Variants in SCAPER observed in about 807,000 individuals in gnomAD.
The protein encoded by SCAPER is S-phase cyclin A associated protein in the ER.
SCAPER carries 98 observed loss-of-function variants against 182.2 expected under a neutral mutation model. The observed-to-expected ratio is 0.54, with a 90% confidence interval of 0.46 to 0.64. The LOEUF (loss-of-function observed/expected upper bound fraction) is 0.64. SCAPER is among the 30% of genes least tolerant of loss of function. SCAPER has a pLI of 0.00. For synonymous variants in SCAPER, 605 were observed against 564.6 expected, an observed-to-expected ratio of 1.07 and a Z score of -1.01; for missense variants, 1,432 against 1,690.0, an observed-to-expected ratio of 0.85 and a Z score of 2.68.
chr15:76,857,355 C>T (rs2071478932), intron 4 of SCAPER, among the ~76,000 whole-genome samples: 1 of 151,496 alleles, frequency 6.6e-6, no homozygotes, highest in Non-Finnish European at 1.5e-5. Flanking sequence ...ACTACTTGAA[C>T]CCAAGAGGAA....
intron 4 of SCAPER, 128 bp from the exon 5 acceptor site, chr15:76,842,059 T>G: frequency 1.3e-6 from 1 of 745,160 alleles, no homozygotes; most frequent in South Asian, 1.9e-5. Context: ...GTACTGAACA[T>G]GTATGGACTT....
chr15:76,784,356 C>A (rs2064411596), intron 8 of SCAPER, among the ~76,000 whole-genome samples: 1 of 152,088 alleles, frequency 6.6e-6, no homozygotes. Context: ...TCAAGGAGAA[C>A]CACAAACCAC....
chr15:76,728,254 G>A (rs1475719742), intron 17 of SCAPER, among the ~76,000 whole-genome samples: 1 of 148,088 alleles, frequency 6.8e-6, no homozygotes, highest in Non-Finnish European at 1.5e-5. Flanking sequence ...TGTGACTCTT[G>A]TGATCTAGAC....
intron 1 of SCAPER, among the ~76,000 whole-genome samples, chr15:76,899,694 C>T (rs1477827872): frequency 6.6e-6 from 1 of 151,844 alleles, no homozygotes; most frequent in Non-Finnish European, 1.5e-5. Flanking sequence ...TCTGCCCGGC[C>T]GCCACCCCGT....
intron 20 of SCAPER, among the ~76,000 whole-genome samples, chr15:76,671,911 C>T (rs1281910669): frequency 6.6e-6 from 1 of 152,048 alleles, no homozygotes; most frequent in African/African-American, 2.4e-5. Flanking sequence ...CAGTTACTCA[C>T]TGGAGAGTTA....
At chr15:76,507,078 C>T (rs1460146461) in intron 23 of SCAPER, among the ~76,000 whole-genome samples, 1 of 152,100 alleles carries the variant, frequency 6.6e-6, no homozygotes, top group Non-Finnish European at 1.5e-5. Context: ...CCTCAAAATT[C>T]ATATGTGGAG....
chr15:76,818,046 A>G (rs952616377), intron 5 of SCAPER, among the ~76,000 whole-genome samples: 14 of 152,346 alleles, frequency 9.2e-5, no homozygotes, highest in African/African-American at 3.4e-4. Flanking sequence ...CAATGTCAAG[A>G]AATACTAAAA....
At chr15:76,650,222 A>T (rs1483079633) in intron 21 of SCAPER, among the ~76,000 whole-genome samples, 1 of 152,104 alleles carries the variant, frequency 6.6e-6, no homozygotes, top group Non-Finnish European at 1.5e-5. Context: ...GAAGAGACAA[A>T]TGTCCAGACT....
chr15:76,625,654 G>A (rs2052503218), intron 21 of SCAPER, among the ~76,000 whole-genome samples: 1 of 152,140 alleles, frequency 6.6e-6, no homozygotes, highest in African/African-American at 2.4e-5. Context: ...TCAGGGCTCA[G>A]GAGTATGTGA....
chr15:76,752,178 G>A (rs189532482), intron 15 of SCAPER, among the ~76,000 whole-genome samples: 3 of 151,686 alleles, frequency 2.0e-5, no homozygotes, highest in African/African-American at 7.2e-5. Context: ...AAACTACAAC[G>A]AGATACCAAA....
chr15:76,364,887 T>A (rs1248468827), intron 29 of SCAPER, among the ~76,000 whole-genome samples: 6 of 152,082 alleles, frequency 3.9e-5, no homozygotes. Context: ...GCCTCTTTAG[T>A]CTTAGCTCTT....
chr15:76,798,520 T>C (rs2065506189), intron 7 of SCAPER, among the ~76,000 whole-genome samples: 1 of 151,588 alleles, frequency 6.6e-6, no homozygotes, highest in Non-Finnish European at 1.5e-5. Context: ...GGGCAAAAAC[T>C]TCCCAAATTT....
intron 24 of SCAPER, among the ~76,000 whole-genome samples, chr15:76,500,565 C>T (rs573988187): frequency 1.3e-5 from 2 of 152,262 alleles, no homozygotes; most frequent in East Asian, 3.9e-4. Flanking sequence ...ACATATACTA[C>T]AAACTGGCAA....
At chr15:76,642,446 T>C (rs2054174423) in intron 21 of SCAPER, among the ~76,000 whole-genome samples, 1 of 152,218 alleles carries the variant, frequency 6.6e-6, no homozygotes, top group African/African-American at 2.4e-5. Context: ...AATTTAATTT[T>C]TGAATAATCA....
At chr15:76,862,635 T>A in intron 2 of SCAPER, 102 bp from the exon 3 acceptor site, 1 of 723,510 alleles carries the variant, frequency 1.4e-6, no homozygotes, top group Non-Finnish European at 2.1e-6. Flanking sequence ...AGAAAACACT[T>A]AAAACTAATT....
chr15:76,706,865 A>T (rs2150829465), intron 17 of SCAPER, among the ~76,000 whole-genome samples: 1 of 152,172 alleles, frequency 6.6e-6, no homozygotes, highest in Middle Eastern at 3.4e-3. Context: ...GTTGATACAC[A>T]CATACACACA....
intron 22 of SCAPER, among the ~76,000 whole-genome samples, chr15:76,589,004 T>C (rs1057151509): frequency 1.3e-5 from 2 of 152,076 alleles, no homozygotes; most frequent in African/African-American, 4.8e-5. Context: ...GTAGTGATTG[T>C]TCTCTTCTGG....
At chr15:76,485,153 C>G (rs1289975400) in intron 24 of SCAPER, among the ~76,000 whole-genome samples, 1 of 152,096 alleles carries the variant, frequency 6.6e-6, no homozygotes, top group African/African-American at 2.4e-5. Context: ...TCTAGAAAAC[C>G]CCACAGTCTT....
At chr15:76,516,741 T>G (rs542627836) in intron 23 of SCAPER, among the ~76,000 whole-genome samples, 1 of 152,280 alleles carries the variant, frequency 6.6e-6, no homozygotes, top group Admixed American at 6.5e-5. Flanking sequence ...GTAATGGGAT[T>G]GCTGGTGACC....
Sources: allele counts gnomAD v4.1 joint callset (sites outside exome capture counted in the v4.1 genomes callset), GRCh38; gene constraint gnomAD v4.1.1; transcripts MANE v1.5; gene names NCBI Gene and HGNC (gene_info 2026-07-23, HGNC 2026-07-21).